The following RIMS2 variants were observed in gnomAD, a reference collection of about 807,000 sequenced individuals.
RIMS2 encodes regulating synaptic membrane exocytosis 2.
Under a neutral mutation model 174.4 loss-of-function variants are expected in RIMS2, and 59 were observed. That is an observed-to-expected ratio of 0.34 (90% CI 0.27 to 0.42). RIMS2 has a LOEUF of 0.42. Ranked by LOEUF, RIMS2 falls within the 10% of genes least tolerant of loss-of-function variation. RIMS2 has a pLI of 1.00. For missense variants in RIMS2, 1,620 were observed against 1,666.3 expected (o/e 0.97, Z 0.48); for synonymous variants, 606 against 572.5 (o/e 1.06, Z -0.84).
At chr8:104,094,534 A>C (rs1160969280) in intron 19 of RIMS2, 1 of 701,768 alleles carries the variant, frequency 1.4e-6, no homozygotes, top group Admixed American at 2.0e-5. Context: ...GAGATAGTTC[A>C]TGAGAAGGAA....
intron 14 of RIMS2, among the ~76,000 whole-genome samples, chr8:103,951,116 A>G (rs1424560095): frequency 2.0e-5 from 3 of 152,194 alleles, no homozygotes. Flanking sequence ...TAAATACAAA[A>G]ATCACATAAT....
chr8:103,907,427 T>C lies in RIMS2; in HGVS notation c.1625-2707T>C, dbSNP rs79589073. On this transcript the variant is annotated intron_variant, in intron 4 of 23. Transcript: ENST00000504942. Reference sequence around the variant, plus strand: ...GCATATTTTTCACCTCCTCATCTTATTTGATAAGTAAAAATCATTCAGTAT... The same window carrying C: ...GCATATTTTTCACCTCCTCATCTTACTTGATAAGTAAAAATCATTCAGTAT... Among the ~76,000 whole-genome samples, 1,077 of 152,336 alleles carry C rather than the reference T, an allele frequency of 7.1e-3. 10 individuals carry two copies. The highest frequency in any genetic ancestry group is 0.025 in the African/African-American group (1,038 of 41,582).
At chr8:103,743,358 T>C (rs1410261297) in intron 2 of RIMS2, among the ~76,000 whole-genome samples, 1 of 152,318 alleles carries the variant, frequency 6.6e-6, no homozygotes, top group East Asian at 1.9e-4. Context: ...ACTCCAGAAT[T>C]ATTGCCGGAT....
At chr8:103,897,377 T>C (rs1366174138) in intron 4 of RIMS2, among the ~76,000 whole-genome samples, 3 of 151,690 alleles carry the variant, frequency 2.0e-5, no homozygotes, top group East Asian at 1.9e-4. Flanking sequence ...CCAGGCATGA[T>C]GTTTGTCCTC....
chr8:103,727,292 T>G (rs1380212304), intron 2 of RIMS2, among the ~76,000 whole-genome samples: 1 of 152,144 alleles, frequency 6.6e-6, no homozygotes, highest in African/African-American at 2.4e-5. Flanking sequence ...GCTAGACTCT[T>G]CAGAATAGGG....
At chr8:103,833,912 T>G (rs1002797214) in intron 3 of RIMS2, among the ~76,000 whole-genome samples, 1 of 152,190 alleles carries the variant, frequency 6.6e-6, no homozygotes, top group Non-Finnish European at 1.5e-5. Flanking sequence ...ATCAGGTAAG[T>G]TTGAAGTGTA....
intron 19 of RIMS2, among the ~76,000 whole-genome samples, chr8:104,132,573 C>T (rs1475089535): frequency 6.6e-6 from 1 of 152,038 alleles, no homozygotes; most frequent in African/African-American, 2.4e-5. Context: ...AAAATGTTGA[C>T]CGGGTATACA....
At chr8:103,503,790 A>G (rs1821860668) in intron 1 of RIMS2, among the ~76,000 whole-genome samples, 1 of 152,126 alleles carries the variant, frequency 6.6e-6, no homozygotes, top group Admixed American at 6.5e-5. Flanking sequence ...ATAGATGACA[A>G]TACCTAGATG....
chr8:103,649,172 G>C (rs1589685068), intron 1 of RIMS2, among the ~76,000 whole-genome samples: 1 of 152,118 alleles, frequency 6.6e-6, no homozygotes, highest in African/African-American at 2.4e-5. Context: ...TGTCTGAAAA[G>C]GATCCTTTTT....
intron 2 of RIMS2, among the ~76,000 whole-genome samples, chr8:103,717,825 A>G (rs2097392842): frequency 6.6e-6 from 1 of 152,190 alleles, no homozygotes; most frequent in Non-Finnish European, 1.5e-5. Flanking sequence ...AATGATGAAA[A>G]TGTTTTACAT....
intron 2 of RIMS2, among the ~76,000 whole-genome samples, chr8:103,752,293 C>A (rs1042902277): frequency 6.6e-6 from 1 of 152,066 alleles, no homozygotes; most frequent in Non-Finnish European, 1.5e-5. Context: ...GGGCTCTGTT[C>A]TGTTCCATTG....
Position 103,504,170 on chromosome 8 carries a change from TG to T in RIMS2, c.176+3109del, listed in dbSNP as rs201432314. ...TTTATAATGTCCTTTTACTGACTAA[TG>T]TTTTTTTTTCAATCTTCCAAGACAT... On this transcript the variant is annotated intron_variant, in intron 1 of 23. Transcript: ENST00000504942. Among the ~76,000 whole-genome samples the T allele has an allele frequency of 7.8e-3, 1,189 of 152,182 alleles. 10 individuals carry two copies. Among genetic ancestry groups the T allele is most frequent in the African/African-American group, 0.026 (1,091 of 41,550 alleles).
intron 1 of RIMS2, among the ~76,000 whole-genome samples, chr8:103,606,437 G>T (rs2095085793): frequency 6.6e-6 from 1 of 151,880 alleles, no homozygotes; most frequent in African/African-American, 2.4e-5. Flanking sequence ...GGTCAATTTT[G>T]GAATAAGTGT....
intron 19 of RIMS2, among the ~76,000 whole-genome samples, chr8:104,145,599 G>A (rs1430728023): frequency 8.6e-5 from 13 of 151,390 alleles, no homozygotes; most frequent in Non-Finnish European, 1.8e-4. Context: ...ACCAAGGCGG[G>A]AGCATCACCT....
intron 19 of RIMS2, among the ~76,000 whole-genome samples, chr8:104,137,579 A>G (rs2098531691): frequency 6.6e-6 from 1 of 152,196 alleles, no homozygotes; most frequent in Non-Finnish European, 1.5e-5. Flanking sequence ...TAATAAATAG[A>G]TGGCATATGA....
intron 19 of RIMS2, among the ~76,000 whole-genome samples, chr8:104,181,278 T>A (rs2098937884): frequency 6.6e-6 from 1 of 151,636 alleles, no homozygotes; most frequent in East Asian, 1.9e-4. Flanking sequence ...CTAAACATCC[T>A]TAAATTTAAA....
intron 3 of RIMS2, among the ~76,000 whole-genome samples, chr8:103,839,331 T>A (rs1347066553): frequency 6.6e-6 from 1 of 152,224 alleles, no homozygotes; most frequent in Non-Finnish European, 1.5e-5. Flanking sequence ...GTAGAATTTT[T>A]ATATTATGTT....
rs111698219 is a variant in RIMS2, at chr8:104,097,170, A to C, written c.3334+82555A>C. ...AAATGTTTGAGACCAGAAGTGTTTC[A>C]GAGTTCGGATTTTTTTCAGATTTTG... On this transcript the variant is annotated intron_variant, in intron 19 of 23. Coordinates refer to ENST00000504942, the Ensembl canonical transcript of RIMS2. Among the ~76,000 whole-genome samples the C allele has an allele frequency of 7.2e-5, 11 of 152,310 alleles. 3 individuals are homozygous for C. The highest frequency in any genetic ancestry group is 2.6e-4 in the African/African-American group (11 of 41,586).
chr8:103,861,607 A>G (rs2099059340), intron 3 of RIMS2, among the ~76,000 whole-genome samples: 2 of 152,078 alleles, frequency 1.3e-5, no homozygotes, highest in African/African-American at 4.8e-5. Flanking sequence ...CACTGTATAA[A>G]TGTACCCTAT....
Sources: allele counts gnomAD v4.1 joint callset (sites outside exome capture counted in the v4.1 genomes callset), GRCh38; gene constraint gnomAD v4.1.1; transcripts MANE v1.5; gene names NCBI Gene and HGNC (gene_info 2026-07-23, HGNC 2026-07-21).